Variants in DSP observed in about 807,000 individuals in gnomAD.
DSP encodes desmoplakin.
In DSP, 114 loss-of-function variants were observed where a neutral mutation model predicts 290.6. The observed-to-expected ratio is 0.39, with a 90% CI of 0.34 to 0.46. The LOEUF (loss-of-function observed/expected upper bound fraction) is 0.46. DSP is among the 20% of genes least tolerant of loss of function. The probability of loss-of-function intolerance (pLI) is 0.99; values close to 1 mark genes in which losing one functional copy is unlikely to be tolerated. For synonymous variants in DSP, 1,311 were observed against 1,316.4 expected (o/e 1.00, Z 0.09); for missense variants, 3,230 against 3,495.8 (o/e 0.92, Z 1.92).
At chr6:7,574,858 A>G in intron 17 of DSP, 63 bp downstream of exon 17, 10 of 1,610,266 alleles carry the variant, frequency 6.2e-6, no homozygotes, top group Non-Finnish European at 8.5e-6. Flanking sequence ...TGAGCTCCCA[A>G]TTATAAAGCC....
chr6:7,570,146 C>T (rs1392824919), intron 12 of DSP, among the ~76,000 whole-genome samples: 4 of 152,194 alleles, frequency 2.6e-5, no homozygotes, highest in African/African-American at 9.7e-5. Context: ...GCATCTAATG[C>T]ACCTGCCATC....
At chr6:7,558,092 C>T (rs758622209) in intron 2 of DSP, 24 bp from the exon 3 acceptor site, 1 of 1,614,032 alleles carries the variant, frequency 6.2e-7, no homozygotes, top group African/African-American at 1.3e-5. Context: ...ATGTGTTTTC[C>T]TTCATGTGAG....
chr6:7,563,744 A>G lies in DSP; in HGVS notation c.735A>G (p.Lys245=). The part of the protein sequence containing the change: ...LDKIKADLRE[K]SAIYQLEEEY... ...TTTTTGTTGTCTTCTAGCGCGAGAA[A>G]TCTGCGATCTACCAGTTGGAGGAGG... The change falls in exon 6 of 24, where the codon AAA becomes AAG. Residue 245 remains lysine, a synonymous_variant. Transcript: ENST00000379802. The G allele has an allele frequency of 6.2e-7, 1 of 1,613,640 alleles. No individual in the cohort carries two copies. The highest frequency in any genetic ancestry group is 8.5e-7 in the Non-Finnish European group (1 of 1,179,522).
rs779102012 is a variant in DSP at position 7,585,774 on chromosome 6, C to T, written c.8512C>T (p.Arg2838Cys). ...CCGCTCGGGATCTCGCTCCGGATCT[C>T]GCTCCGGGTCCCGCAGTGGGTCCCG... ...GSRSGSRSGS[R>C]SGSRSGSRRG... Residue 2838 changes from arginine (R) to cysteine (C), a missense_variant, in exon 24 of 24, where the codon CGC becomes TGC. By Grantham distance (180) the Arg-to-Cys change is radical. Coordinates refer to ENST00000379802, the MANE Select transcript of DSP (RefSeq NM_004415.4). 3.1e-6 allele frequency: 5 copies of T among 1,609,288 alleles called. No individual in the cohort carries two copies. The highest frequency in any genetic ancestry group is 4.2e-6 in the Non-Finnish European group (5 of 1,178,228).
chr6:7,544,491 C>CTTTT (rs386406062), intron 1 of DSP, among the ~76,000 whole-genome samples: 1 of 142,776 alleles, frequency 7.0e-6, no homozygotes, highest in African/African-American at 2.6e-5. Context: ...TTCTTTCTTT[C>CTTTT]TTTTTTTTTT....
At chr6:7,556,111 T>G (rs141188121) in intron 2 of DSP, among the ~76,000 whole-genome samples, 1 of 152,360 alleles carries the variant, frequency 6.6e-6, no homozygotes, top group African/African-American at 2.4e-5. Context: ...TTTACGTGAC[T>G]TTTTGATACT....
intron 22 of DSP, 147 bp downstream of exon 22, chr6:7,578,709 A>T: frequency 1.5e-6 from 1 of 673,164 alleles, no homozygotes. Context: ...CTTGTTTGTA[A>T]GTCTGGGGTT....
intron 1 of DSP, among the ~76,000 whole-genome samples, chr6:7,548,620 C>A (rs1042831334): frequency 3.5e-4 from 53 of 152,310 alleles, no homozygotes; most frequent in Non-Finnish European, 6.5e-4. Flanking sequence ...GAGAAAACCG[C>A]CTGGAAAAGA....
chr6:7,549,946 C>G (rs1323823566), intron 1 of DSP, among the ~76,000 whole-genome samples: 5 of 151,932 alleles, frequency 3.3e-5, no homozygotes, highest in Non-Finnish European at 5.9e-5. Flanking sequence ...TTGTTTTTGC[C>G]TATAATGTCC....
Position 7,565,375 on chromosome 6 carries a change from G to A in DSP, c.794G>A (p.Arg265Lys), listed in dbSNP as rs1064796438. Residue 265 changes from arginine to lysine, a missense_variant, in exon 7 of 24, where the codon AGG becomes AAG. Physicochemically the swap from Arg to Lys is conservative, Grantham distance 26. Around this residue, in one of 5 missense-constraint regions of DSP, gnomAD observed 646 missense variants for 684.3 expected, o/e 0.94. Transcript: ENST00000379802. The surrounding 1 kb of genome is among the most constrained non-coding windows in gnomAD (Gnocchi z 4.2). ...YENLLKASFERMDHLRQLQNI... is the reference protein window; with the variant it reads ...YENLLKASFEKMDHLRQLQNI... ...CCTGTGCAGAAAGCGTCCTTTGAGA[G>A]GATGGATCACCTGCGACAGCTGCAG... The A allele has an allele frequency of 3.7e-6, 6 of 1,613,992 alleles. No individual in the cohort carries two copies. The African/African-American group carries it at 4.0e-5, about 11-fold the overall frequency.
Position 7,565,496 on chromosome 6 carries a change from C to T in DSP, c.915C>T (p.Ile305=), listed in dbSNP as rs148395326. The T allele has an allele frequency of 1.9e-5, 31 of 1,613,962 alleles. No individual in the cohort carries two copies. The African/African-American group carries it at 2.1e-4, about 11-fold the overall frequency. ...ACTGGAGCGACAAGAACACCAACAT[C>T]GCTCAGAAACAGGAGGCCTTCTCCG... is the stretch of plus-strand genomic sequence containing the variant. ...LYDWSDKNTN[I]AQKQEAFSIR... is the part of the protein sequence containing the mutation. Residue 305 remains isoleucine, a synonymous_variant, in exon 7 of 24, where the codon ATC becomes ATT. Transcript: ENST00000379802. The surrounding 1 kb of genome is among the most constrained non-coding windows in gnomAD (Gnocchi z 4.2).
In DSP at chr6:7,583,362, G is replaced by A. The variant is rs1043978096; in HGVS notation, c.6100G>A (p.Ala2034Thr). 6.8e-6 allele frequency: 11 copies of A among 1,614,158 alleles called. No individual in the cohort carries two copies. Among genetic ancestry groups the A allele is most frequent in the Admixed American group, 3.3e-5 (2 of 60,022 alleles). ...SPKEKYSLVE[A>T]KRKKLISPES... ...TAAGGAAAAATACTCTTTGGTAGAG[G>A]CCAAGAGAAAGAAATTAATCAGCCC... Residue 2034 changes from alanine (A) to threonine (T), a missense_variant, in exon 24 of 24, where the codon GCC becomes ACC. This residue lies in a region of DSP where 1,714 missense variants were observed against 1,844.5 expected (regional missense o/e 0.93). Coordinates refer to ENST00000379802, the MANE Select transcript of DSP (RefSeq NM_004415.4). The surrounding 1 kb of genome is among the most constrained non-coding windows in gnomAD (Gnocchi z 4.0).
At chr6:7,578,760 A>G (rs893162546) in intron 22 of DSP, among the ~76,000 whole-genome samples, 198 bp downstream of exon 22, 1 of 152,226 alleles carries the variant, frequency 6.6e-6, no homozygotes, top group Non-Finnish European at 1.5e-5. Context: ...GAACTTAAGT[A>G]ATAGTCATAA....
At position 7,584,862 on chromosome 6, in the gene DSP, A is replaced by G. The variant is rs1759582712; in HGVS notation, c.7600A>G (p.Ile2534Val). The G allele has an allele frequency of 3.7e-6, 6 of 1,614,198 alleles. No individual in the cohort carries two copies. Among genetic ancestry groups the G allele is most frequent in the Non-Finnish European group, 5.1e-6 (6 of 1,180,034 alleles). The part of the protein sequence containing the change: ...TGSQYDIQDA[I>V]DKGLVDRKFF... ...CAGTCAGTATGATATTCAAGATGCT[A>G]TTGACAAGGGCCTTGTTGACAGGAA... The change falls in exon 24 of 24, where the codon ATT (isoleucine) becomes GTT (valine). Residue 2534 changes from isoleucine to valine, a missense_variant. This residue lies in a region of DSP where 582 missense variants were observed against 555.4 expected (regional missense o/e 1.05). Transcript: ENST00000379802. This position sits in a 1 kb window ranked among gnomAD's most constrained non-coding sequence, Gnocchi z 6.4.
At chr6:7,564,856 A>G (rs972365330) in intron 6 of DSP, among the ~76,000 whole-genome samples, 8 of 152,178 alleles carry the variant, frequency 5.3e-5, no homozygotes, top group Non-Finnish European at 8.8e-5. Context: ...GAATAAAAAA[A>G]ATTTAAGGCC....
In DSP at chr6:7,567,758, C is replaced by G. The variant is rs1303953619; in HGVS notation, c.1141-23C>G. 3.1e-6 allele frequency: 5 copies of G among 1,613,758 alleles called. No individual in the cohort carries two copies. The Admixed American group carries it at 5.0e-5, about 16-fold the overall frequency. On this transcript the variant is annotated intron_variant, in intron 9 of 23. Transcript: ENST00000379802. ...TGCTCATTGAGTTGCTGTTCATTCA[C>G]TGATCACTCTCATCCTTCACAGTTT...
chr6:7,568,414 T>C (rs1482332420), intron 10 of DSP, 23 bp from the exon 11 acceptor site: 2 of 1,613,650 alleles, frequency 1.2e-6, no homozygotes, highest in South Asian at 2.2e-5. Context: ...TATGTTTAAG[T>C]ATGATTTTAT....
In DSP at chr6:7,582,387, T is replaced by C. The variant is rs879475636; in HGVS notation, c.5380-255T>C. The stretch of plus-strand genomic sequence containing the variant: ...ATTATTGTTAAGAGTAAGACAGGTC[T>C]GCAACTTACAGTTCCTTCTATAGAA... On this transcript the variant is annotated intron_variant, in intron 23 of 23. Coordinates refer to ENST00000379802, the MANE Select transcript of DSP (RefSeq NM_004415.4). The surrounding 1 kb of genome is among the most constrained non-coding windows in gnomAD (Gnocchi z 4.2). Among the ~76,000 whole-genome samples the C allele has an allele frequency of 1.3e-5, 2 of 151,936 alleles. No individual in the cohort carries two copies. Among genetic ancestry groups the C allele is most frequent in the Middle Eastern group, 3.4e-3 (1 of 290 alleles).
In DSP at chr6:7,582,947, TAGG is replaced by T. The variant is rs1561701244; in HGVS notation, c.5688_5690del (p.Arg1896del). ...AGAGTGAGAGAGAGAAGAACAGTCT[TAGG>T]AGTGAGATCGAAAGACTCCAAGCAG... is the stretch of plus-strand genomic sequence containing the variant. On this transcript the variant is annotated inframe_deletion, in exon 24 of 24. Coordinates refer to ENST00000379802, the MANE Select transcript of DSP (RefSeq NM_004415.4). This position sits in a 1 kb window ranked among gnomAD's most constrained non-coding sequence, Gnocchi z 4.2. 5 of 1,613,776 alleles carry T rather than the reference TAGG, an allele frequency of 3.1e-6. No homozygotes were observed. The highest frequency in any genetic ancestry group is 1.7e-5 in the Admixed American group (1 of 59,968).
Sources: allele counts gnomAD v4.1 joint callset (sites outside exome capture counted in the v4.1 genomes callset), GRCh38; gene constraint gnomAD v4.1.1; regional missense constraint gnomAD v4.1.1; non-coding constraint Gnocchi (gnomAD v3.1); transcripts MANE v1.5; gene names NCBI Gene and HGNC (gene_info 2026-07-23, HGNC 2026-07-21).